The following NEBL variants were observed in gnomAD, a reference collection of about 807,000 sequenced individuals.
The protein encoded by NEBL is nebulette, also known as LIM and SH3 protein 2.
In NEBL, 122 loss-of-function variants were observed where a neutral mutation model predicts 140.2. That is an observed-to-expected ratio of 0.87 (90% CI 0.75 to 1.01). The LOEUF (loss-of-function observed/expected upper bound fraction) is 1.01, where lower values mean the gene tolerates loss of function less well. Ranked by LOEUF, NEBL falls within the 50% of genes least tolerant of loss-of-function variation. The probability of loss-of-function intolerance (pLI) is 0.00; values close to 1 mark genes in which losing one functional copy is unlikely to be tolerated. For missense variants in NEBL, 1,365 were observed against 1,231.3 expected (o/e 1.11, Z -1.62); for synonymous variants, 436 against 398.9 (o/e 1.09, Z -1.11).
intron 1 of NEBL, among the ~76,000 whole-genome samples, chr10:21,255,723 C>T (rs191071740): frequency 6.6e-6 from 1 of 152,068 alleles, no homozygotes; most frequent in Non-Finnish European, 1.5e-5. Context: ...TCCGGCTGGG[C>T]GCGGTGGCTC....
rs147507087 is a variant in NEBL at position 20,803,548 on chromosome 10, GT to G, written c.2761+4961del. Among the ~76,000 whole-genome samples the G allele has an allele frequency of 5.3e-3, 800 of 151,874 alleles. 2 individuals carry two copies. Among genetic ancestry groups the G allele is most frequent in the Non-Finnish European group, 9.0e-3 (608 of 67,930 alleles). ...CAACAACATCCAGAAGAAAAATAGC[GT>G]TTCTAAATATTTATAAACATTTCTT... On this transcript the variant is annotated intron_variant, in intron 26 of 27. Coordinates refer to ENST00000377122, the MANE Select transcript of NEBL (RefSeq NM_006393.3).
At position 20,859,788 on chromosome 10, in the gene NEBL, A is replaced by C; in HGVS notation, c.723T>G (p.Asp241Glu). 1.3e-6 allele frequency: 2 copies of C among 1,592,556 alleles called. No homozygotes were observed. The highest frequency in any genetic ancestry group is 8.6e-7 in the Non-Finnish European group (1 of 1,162,672). Reference protein sequence around the residue: ...YKEKFDNEMKDKKHHYNPLES... With the variant: ...YKEKFDNEMKEKKHHYNPLES... The stretch of plus-strand genomic sequence containing the variant: ...CAAGAGGATTGTAATGATGTTTCTT[A>C]TCCTTCATTTCATTATCAAATTTTT... The change falls in exon 8 of 28, where the codon GAT (aspartate) becomes GAG (glutamate). Residue 241 changes from aspartate (D) to glutamate (E), a missense_variant. By Grantham distance (45) the Asp-to-Glu change is conservative. Around this residue, in one of 2 missense-constraint regions of NEBL, gnomAD observed 1,323 missense variants for 1,154.8 expected, o/e 1.15. Transcript: ENST00000377122.
At chr10:21,130,717 A>G (rs777739563) in intron 2 of NEBL, among the ~76,000 whole-genome samples, 15 of 152,198 alleles carry the variant, frequency 9.9e-5, no homozygotes, top group Non-Finnish European at 1.9e-4. Context: ...CTTGTCAAAA[A>G]TTGTGGGATG....
intron 2 of NEBL, chr10:21,028,906 A>G (rs1589151666): frequency 4.5e-6 from 2 of 443,264 alleles, no homozygotes; most frequent in East Asian, 3.7e-5. Flanking sequence ...AAAGATTGAT[A>G]TTGTCATATT....
intron 2 of NEBL, among the ~76,000 whole-genome samples, chr10:21,034,362 C>G (rs1008513725): frequency 1.3e-5 from 2 of 152,112 alleles, no homozygotes; most frequent in African/African-American, 2.4e-5. Context: ...GCATACTGAT[C>G]TATGCCTAGC....
chr10:20,903,029 G>T (rs1847936454), intron 4 of NEBL, among the ~76,000 whole-genome samples: 1 of 152,160 alleles, frequency 6.6e-6, no homozygotes, highest in South Asian at 2.1e-4. Context: ...GAATGAGAAT[G>T]ATTCTTATCC....
At position 20,859,727 on chromosome 10, in the gene NEBL, T is replaced by C. The variant is rs1194823973; in HGVS notation, c.784A>G (p.Thr262Ala). Residue 262 changes from threonine (T) to alanine (A), a missense_variant, in exon 8 of 28, where the codon ACA becomes GCA. Around this residue, in one of 2 missense-constraint regions of NEBL, gnomAD observed 1,323 missense variants for 1,154.8 expected, o/e 1.15. Coordinates refer to ENST00000377122, the MANE Select transcript of NEBL (RefSeq NM_006393.3). ...TTACAACTTACATTGCTCGCCAGTG[T>C]AGCAGCAAGCTGATTCTGCCTAAAA... is the stretch of plus-strand genomic sequence containing the variant. ...ASFRQNQLAA[T>A]LASNVKYKKD... The C allele has an allele frequency of 6.3e-7, 1 of 1,590,890 alleles. No homozygotes were observed. The highest frequency in any genetic ancestry group is 1.1e-5 in the South Asian group (1 of 90,110).
In NEBL at chr10:20,880,762, G is replaced by A. The variant is rs182974344; in HGVS notation, c.480+32C>T. 202 of 1,504,594 alleles carry A rather than the reference G, an allele frequency of 1.3e-4. 2 individuals carry two copies. In the South Asian group the frequency reaches 1.6e-3, roughly 12 times the overall value. 93.2% of individuals were successfully genotyped at this position (1,504,594 alleles called of 1,614,324 possible). ...CCCTAATATGACTTAACTACAGTTCGCTAGAAAATCATGAGAAATGCGCTT... is the reference window on the plus strand; with the variant it reads ...CCCTAATATGACTTAACTACAGTTCACTAGAAAATCATGAGAAATGCGCTT... On this transcript the variant is annotated intron_variant, in intron 5 of 27. Coordinates refer to ENST00000377122, the MANE Select transcript of NEBL (RefSeq NM_006393.3).
chr10:21,126,143 T>C (rs1030075200), intron 2 of NEBL: 2 of 1,592,482 alleles, frequency 1.3e-6, no homozygotes, highest in African/African-American at 1.3e-5. Context: ...AAAGTGCAGC[T>C]GTCCGTTCTT....
At chr10:21,144,255 C>G (rs997943639) in intron 2 of NEBL, among the ~76,000 whole-genome samples, 3 of 152,202 alleles carry the variant, frequency 2.0e-5, no homozygotes, top group African/African-American at 7.2e-5. Flanking sequence ...TTAGGTAACA[C>G]CTGCAGATGG....
intron 4 of NEBL, among the ~76,000 whole-genome samples, chr10:20,909,470 T>C (rs1848240254): frequency 6.6e-6 from 1 of 152,102 alleles, no homozygotes; most frequent in Admixed American, 6.6e-5. Context: ...ATGAAGCAAA[T>C]GAAATGGAAA....
intron 2 of NEBL, among the ~76,000 whole-genome samples, chr10:21,088,818 C>T (rs1836772246): frequency 6.6e-6 from 1 of 152,228 alleles, no homozygotes; most frequent in African/African-American, 2.4e-5. Context: ...AAGTATCTGC[C>T]AACCCTTCTA....
At chr10:21,285,027 C>T (rs1009733213) in intron 1 of NEBL, among the ~76,000 whole-genome samples, 2 of 152,198 alleles carry the variant, frequency 1.3e-5, no homozygotes, top group African/African-American at 2.4e-5. Flanking sequence ...TACCACTGCA[C>T]TCTAGCCTGA....
intron 3 of NEBL, among the ~76,000 whole-genome samples, chr10:21,011,899 G>A (rs1383931146): frequency 6.6e-6 from 1 of 152,182 alleles, no homozygotes; most frequent in Non-Finnish European, 1.5e-5. Context: ...CTTCTACAAG[G>A]CACATTGCAG....
upstream of NEBL, among the ~76,000 whole-genome samples, chr10:21,175,409 G>T (rs1841275925): frequency 6.6e-6 from 1 of 152,208 alleles, no homozygotes; most frequent in Non-Finnish European, 1.5e-5. Flanking sequence ...TTATAACAAA[G>T]AAGCGAACAC....
intron 3 of NEBL, among the ~76,000 whole-genome samples, chr10:21,224,725 GGTTAA>G (rs1251306773): frequency 1.3e-5 from 2 of 152,008 alleles, no homozygotes; most frequent in Admixed American, 1.3e-4. Flanking sequence ...TCACTTCTTT[GGTTAA>G]GTTGATTCCT....
At position 21,220,461 on chromosome 10, in the gene NEBL, T is replaced by C. The variant is rs186123455; in HGVS notation, n.348+27460A>G. On this transcript the variant is annotated intron_variant and non_coding_transcript_variant, in intron 3 of 8. Coordinates refer to the NEBL transcript ENST00000675702. ...GATATCCACATGCAGAAGAGTGAAA[T>C]TGGACTTTTATCTCCCACCATATAC... Among the ~76,000 whole-genome samples, 5 of 152,194 alleles carry C rather than the reference T, an allele frequency of 3.3e-5. No homozygotes were observed. The East Asian group carries it at 7.7e-4, about 24-fold the overall frequency.
chr10:21,285,903 C>G (rs1253545295), intron 1 of NEBL, among the ~76,000 whole-genome samples: 2 of 152,190 alleles, frequency 1.3e-5, no homozygotes, highest in Non-Finnish European at 2.9e-5. Context: ...GACCCCACAC[C>G]CTGTGAGAGT....
At chr10:20,983,103 A>T (rs1837120692) in intron 3 of NEBL, among the ~76,000 whole-genome samples, 1 of 152,190 alleles carries the variant, frequency 6.6e-6, no homozygotes, top group African/African-American at 2.4e-5. Flanking sequence ...TGAATTTCCA[A>T]CTTGGAGCTG....
Sources: gnomAD v4.1 joint callset for allele counts (sites outside exome capture counted in the v4.1 genomes callset) on GRCh38, gnomAD v4.1.1 for gene constraint, gnomAD v4.1.1 regional missense constraint, MANE v1.5 for transcripts, NCBI Gene and HGNC (gene_info 2026-07-23, HGNC 2026-07-21) for gene names.